Variants in REEP3 observed in about 807,000 individuals in gnomAD.
REEP3 encodes the protein receptor accessory protein 3.
REEP3 carries 20 observed loss-of-function variants against 41.3 expected under a neutral mutation model. The ratio of observed to expected loss-of-function variants is 0.48; its 90% CI spans 0.34 to 0.70. The LOEUF (loss-of-function observed/expected upper bound fraction) is 0.70, where lower values mean the gene tolerates loss of function less well. REEP3 is among the 30% of genes least tolerant of loss of function. The pLI is 0.01. For missense variants in REEP3, 271 were observed against 308.8 expected (o/e 0.88, Z 0.92); for synonymous variants, 104 against 101.8 (o/e 1.02, Z -0.13).
intron 1 of REEP3, among the ~76,000 whole-genome samples, chr10:63,553,141 A>G (rs1955645138): frequency 6.6e-6 from 1 of 152,218 alleles, no homozygotes. Context: ...TTAATGAAAG[A>G]CAGTAAACAG....
intron 1 of REEP3, among the ~76,000 whole-genome samples, chr10:63,553,107 A>G (rs1367119378): frequency 6.6e-6 from 1 of 152,322 alleles, no homozygotes; most frequent in Non-Finnish European, 1.5e-5. Context: ...AAATAAGAAG[A>G]CCAAACCTTT....
rs1956132460 is a variant in REEP3, at chr10:63,598,018, T to A, written c.183-6T>A. The A allele has an allele frequency of 6.3e-7, 1 of 1,597,498 alleles. No homozygotes were observed. The highest frequency in any genetic ancestry group is 8.5e-7 in the Non-Finnish European group (1 of 1,173,774). ...GCAGTTTATTTCCAAATGTTTTTCT[T>A]ATTAGGTTTCCCCTGTACTATGAGC... On this transcript the variant is annotated splice_polypyrimidine_tract_variant and splice_region_variant and intron_variant, in intron 3 of 7. Transcript: ENST00000373758.
intron 2 of REEP3, among the ~76,000 whole-genome samples, chr10:63,577,178 A>C (rs1387936823): frequency 6.6e-6 from 1 of 152,162 alleles, no homozygotes; most frequent in Non-Finnish European, 1.5e-5. Context: ...CTACTAGGAG[A>C]ATAAGGCTTG....
At chr10:63,534,968 A>G (rs532927827) in intron 1 of REEP3, among the ~76,000 whole-genome samples, 164 of 152,354 alleles carry the variant, frequency 1.1e-3, no homozygotes, top group Non-Finnish European at 1.9e-3. Context: ...AAAGTATGCC[A>G]TCACTGTCAC....
At chr10:63,575,529 G>A (rs1010074984) in intron 2 of REEP3, among the ~76,000 whole-genome samples, 1 of 151,538 alleles carries the variant, frequency 6.6e-6, no homozygotes, top group Admixed American at 6.6e-5. Context: ...TTATTCATTT[G>A]TATTTGTAAG....
intron 1 of REEP3, among the ~76,000 whole-genome samples, chr10:63,533,331 A>C (rs962975078): frequency 1.3e-5 from 2 of 152,226 alleles, no homozygotes; most frequent in African/African-American, 4.8e-5. Flanking sequence ...ATATGGAAAT[A>C]AAATAGAATA....
chr10:63,598,252 G>T, intron 4 of REEP3, 108 bp downstream of exon 4: 1 of 681,870 alleles, frequency 1.5e-6, no homozygotes, highest in Non-Finnish European at 2.3e-6. Context: ...GGCTGAGGTG[G>T]GTGGATCACT....
At chr10:63,560,041 T>C (rs1955725988) in intron 1 of REEP3, among the ~76,000 whole-genome samples, 2 of 152,126 alleles carry the variant, frequency 1.3e-5, no homozygotes, top group African/African-American at 4.8e-5. Flanking sequence ...CTAATGATGT[T>C]ATAAAATATT....
At chr10:63,592,842 G>A (rs968593002) in intron 2 of REEP3, among the ~76,000 whole-genome samples, 5 of 152,218 alleles carry the variant, frequency 3.3e-5, no homozygotes, top group South Asian at 4.1e-4. Context: ...GCAGTAAGCC[G>A]AGATTGCACC....
chr10:63,605,858 G>T (rs973143184), intron 5 of REEP3, among the ~76,000 whole-genome samples: 1 of 152,132 alleles, frequency 6.6e-6, no homozygotes, highest in African/African-American at 2.4e-5. Flanking sequence ...CCCTTCCAGA[G>T]CCTGAGTGTG....
chr10:63,544,057 A>G (rs1456792747), intron 1 of REEP3, among the ~76,000 whole-genome samples: 1 of 152,240 alleles, frequency 6.6e-6, no homozygotes, highest in African/African-American at 2.4e-5. Flanking sequence ...ATATTTTCCC[A>G]GAGAAAATGA....
chr10:63,526,995 T>C (rs1170698436), intron 1 of REEP3, among the ~76,000 whole-genome samples: 1 of 152,212 alleles, frequency 6.6e-6, no homozygotes, highest in Non-Finnish European at 1.5e-5. Context: ...AGAAGTGGAT[T>C]AATTTGGAGA....
Position 63,598,106 on chromosome 10 carries a change from A to G in REEP3, c.265A>G (p.Arg89Gly). The change falls in exon 4 of 8, where the codon AGA (arginine) becomes GGA (glycine). Residue 89 changes from arginine to glycine, a missense_variant. By Grantham distance (125) the Arg-to-Gly change is moderately radical. Transcript: ENST00000373758. The stretch of plus-strand genomic sequence containing the variant: ...TACCAAAGGAGCAAGTTTAATATAT[A>G]GAAAATTCCTTCATCCACTTCTTTC... ...PYTKGASLIY[R>G]KFLHPLLSSK... 1 of 1,591,944 alleles carries G rather than the reference A, an allele frequency of 6.3e-7. No homozygotes were observed. Among genetic ancestry groups the G allele is most frequent in the Admixed American group, 1.7e-5 (1 of 59,928 alleles).
rs11442892 is a variant in REEP3 at position 63,529,779 on chromosome 10, CT to C, written c.32+8215del. ...CACTGCCCCGGCCATGAATGTGATT[CT>C]TTTTTTTTTTTTGAGACTGAGGAGT... On this transcript the variant is annotated intron_variant, in intron 1 of 7. Coordinates refer to ENST00000373758, the MANE Select transcript of REEP3 (RefSeq NM_001001330.3). Among the ~76,000 whole-genome samples, 397 of 142,018 alleles carry C rather than the reference CT, an allele frequency of 2.8e-3. 3 individuals carry two copies. Among genetic ancestry groups the C allele is most frequent in the African/African-American group, 7.8e-3 (300 of 38,536 alleles). 93.2% of individuals were successfully genotyped at this position (142,018 alleles called of 152,430 possible).
rs1213758523 is a variant in REEP3 at position 63,624,502 on chromosome 10, C to G, written c.*3633C>G. On this transcript the variant is annotated 3_prime_UTR_variant, in exon 8 of 8. Coordinates refer to ENST00000373758, the MANE Select transcript of REEP3 (RefSeq NM_001001330.3). ...CTGTTTGTAAAAGGCTATCTCTAAG[C>G]CTAGTATGTGGGTAATTTTACAGGT... The G allele has an allele frequency of 6.6e-6, 1 of 152,032 alleles. No individual in the cohort carries two copies. The highest frequency in any genetic ancestry group is 1.5e-5 in the Non-Finnish European group (1 of 67,958). 9.4% of individuals were successfully genotyped at this position (152,032 alleles called of 1,614,324 possible).
At chr10:63,599,594 T>G (rs1303543020) in intron 5 of REEP3, 3 of 625,284 alleles carry the variant, frequency 4.8e-6, no homozygotes, top group African/African-American at 4.0e-5. Context: ...AAGATGACCA[T>G]TGTTTATTTC....
At chr10:63,535,115 A>T (rs1955462242) in intron 1 of REEP3, among the ~76,000 whole-genome samples, 1 of 152,160 alleles carries the variant, frequency 6.6e-6, no homozygotes, top group Non-Finnish European at 1.5e-5. Flanking sequence ...TTAGAAATAT[A>T]ATCTATTGTT....
chr10:63,551,307 G>A (rs1955626581), intron 1 of REEP3, among the ~76,000 whole-genome samples: 1 of 152,014 alleles, frequency 6.6e-6, no homozygotes, highest in Non-Finnish European at 1.5e-5. Flanking sequence ...AAGTAGTATT[G>A]GATTATACCA....
chr10:63,592,905 C>CAA (rs1956078427), intron 2 of REEP3, among the ~76,000 whole-genome samples: 2 of 152,072 alleles, frequency 1.3e-5, no homozygotes, highest in South Asian at 4.2e-4. Context: ...AAAACAAAAA[C>CAA]AAAAACAAAA....
Sources: allele counts gnomAD v4.1 joint callset (sites outside exome capture counted in the v4.1 genomes callset), GRCh38; gene constraint gnomAD v4.1.1; transcripts MANE v1.5; gene names NCBI Gene and HGNC (gene_info 2026-07-23, HGNC 2026-07-21).